RFTN2: variants seen among roughly 807,000 people sequenced by gnomAD.
RFTN2 encodes the protein raftlin-2.
A neutral mutation model predicts 52.7 loss-of-function variants in RFTN2; 34 were observed. The observed-to-expected ratio is 0.64, with a 90% CI of 0.49 to 0.86. RFTN2 has a LOEUF of 0.86. Ranked by LOEUF, RFTN2 falls within the 40% of genes least tolerant of loss-of-function variation. The pLI, the probability that RFTN2 is intolerant of heterozygous loss-of-function variation, is 0.00. For missense variants in RFTN2, 536 were observed against 600.1 expected (o/e 0.89, Z 1.12); for synonymous variants, 203 against 217.7 (o/e 0.93, Z 0.59).
intron 7 of RFTN2, among the ~76,000 whole-genome samples, chr2:197,602,389 A>T (rs78002594): frequency 0.14 from 21,109 of 152,122 alleles, 1,811 homozygotes; most frequent in Middle Eastern, 0.25. Context: ...AATTAAAAAA[A>T]TTTTTTTGTA....
At chr2:197,627,849 G>T in intron 5 of RFTN2, among the ~76,000 whole-genome samples, 1 of 152,056 alleles carries the variant, frequency 6.6e-6, no homozygotes, top group Non-Finnish European at 1.5e-5. Context: ...TGCTGAAGTA[G>T]AAAACTTTTT....
At chr2:197,656,791 T>C (rs1480293212) in intron 1 of RFTN2, among the ~76,000 whole-genome samples, 1 of 152,056 alleles carries the variant, frequency 6.6e-6, no homozygotes, top group African/African-American at 2.4e-5. Context: ...AGATCAAGAG[T>C]CCCTAGATCT....
chr2:197,647,162 A>G (rs2106253192), intron 1 of RFTN2, among the ~76,000 whole-genome samples: 1 of 152,194 alleles, frequency 6.6e-6, no homozygotes, highest in East Asian at 1.9e-4. Flanking sequence ...AGGAGATACA[A>G]TAATTTGAAG....
intron 2 of RFTN2, 29 bp downstream of exon 2, chr2:197,646,454 C>T: frequency 1.3e-6 from 2 of 1,577,254 alleles, no homozygotes; most frequent in Non-Finnish European, 8.6e-7. Context: ...GTCACCCTCA[C>T]CTGCCTCTTT....
intron 7 of RFTN2, among the ~76,000 whole-genome samples, chr2:197,613,126 A>T (rs2088090617): frequency 1.3e-5 from 2 of 152,258 alleles, no homozygotes; most frequent in Admixed American, 1.3e-4. Flanking sequence ...GTATATAGTG[A>T]ACTAGAGTAT....
intron 8 of RFTN2, among the ~76,000 whole-genome samples, chr2:197,595,390 C>G (rs1229930653): frequency 6.6e-6 from 1 of 152,158 alleles, no homozygotes; most frequent in African/African-American, 2.4e-5. Context: ...TCAATGCACA[C>G]AGTCTTTTCA....
At chr2:197,606,612 T>C (rs561019773) in intron 7 of RFTN2, among the ~76,000 whole-genome samples, 35 of 151,516 alleles carry the variant, frequency 2.3e-4, no homozygotes, top group African/African-American at 8.5e-4. Flanking sequence ...GAATCTACAA[T>C]GAACTCAAAC....
rs1410999812 is a variant in RFTN2 at position 197,596,187 on chromosome 2, T to C, written c.1155-118A>G. ...ATAATCTTCTGACCAAAAATAATTA[T>C]AAAATATAAATCTTTTTTTTCTTCC... On this transcript the variant is annotated intron_variant, in intron 7 of 8. Transcript: ENST00000295049. The C allele has an allele frequency of 1.2e-5, 6 of 487,030 alleles. No individual in the cohort carries two copies. In the South Asian group the frequency reaches 2.2e-4, roughly 18 times the overall value. The allele number at this position is 487,030 out of a possible 1,614,324, so 30.2% of individuals were successfully genotyped here.
At chr2:197,624,090 T>A (rs908783116) in intron 5 of RFTN2, among the ~76,000 whole-genome samples, 5 of 152,084 alleles carry the variant, frequency 3.3e-5, no homozygotes, top group Non-Finnish European at 7.4e-5. Flanking sequence ...TGAGCTACAG[T>A]GCCCAGTCTA....
chr2:197,640,408 C>A (rs1012725197), intron 3 of RFTN2, among the ~76,000 whole-genome samples: 2 of 152,268 alleles, frequency 1.3e-5, no homozygotes, highest in Non-Finnish European at 2.9e-5. Context: ...GTAGGACCCT[C>A]CGAGCCAGGT....
chr2:197,612,116 C>A (rs2088070856), intron 7 of RFTN2, among the ~76,000 whole-genome samples: 1 of 152,132 alleles, frequency 6.6e-6, no homozygotes, highest in South Asian at 2.1e-4. Context: ...CTGTAGGTGT[C>A]TATTAGGTTC....
At chr2:197,643,380 A>G (rs2088702072) in intron 3 of RFTN2, among the ~76,000 whole-genome samples, 1 of 152,176 alleles carries the variant, frequency 6.6e-6, no homozygotes, top group African/African-American at 2.4e-5. Flanking sequence ...GGTGTGAGCC[A>G]CCACACCTGG....
At chr2:197,667,449 G>A (rs948695138) in intron 1 of RFTN2, among the ~76,000 whole-genome samples, 1 of 152,046 alleles carries the variant, frequency 6.6e-6, no homozygotes, top group African/African-American at 2.4e-5. Flanking sequence ...ATTTCTTTTT[G>A]TTTGTGATCT....
intron 8 of RFTN2, among the ~76,000 whole-genome samples, chr2:197,580,503 G>A (rs1179217729): frequency 1.3e-5 from 2 of 152,178 alleles, no homozygotes; most frequent in Non-Finnish European, 2.9e-5. Flanking sequence ...CAAGTCACCT[G>A]GCAGCCACTC....
chr2:197,623,389 T>C (rs1366468126), intron 5 of RFTN2, among the ~76,000 whole-genome samples: 1 of 152,228 alleles, frequency 6.6e-6, no homozygotes, highest in Admixed American at 6.5e-5. Flanking sequence ...AGCCTAAAAA[T>C]GGAGACTAAA....
chr2:197,578,522 C>A (rs1043940715), intron 8 of RFTN2, among the ~76,000 whole-genome samples: 1 of 152,104 alleles, frequency 6.6e-6, no homozygotes, highest in Admixed American at 6.5e-5. Flanking sequence ...ATGACATTAC[C>A]TTGTGAAATT....
chr2:197,571,113 T>G lies in RFTN2; in HGVS notation c.*895A>C, dbSNP rs868232173. On this transcript the variant is annotated 3_prime_UTR_variant, in exon 9 of 9. Transcript: ENST00000295049. ...TTTCTACTCCTGCCAGATTGAAAAT[T>G]CTAGGTTTCAACATTCTTCAGGATT... 9 of 152,336 alleles carry G rather than the reference T, an allele frequency of 5.9e-5. No individual in the cohort carries two copies. The highest frequency in any genetic ancestry group is 2.2e-4 in the African/African-American group (9 of 41,452). 9.4% of individuals were successfully genotyped at this position (152,336 alleles called of 1,614,324 possible). A position where few individuals can be genotyped will look rare whatever the true frequency, so the allele number is the denominator to read the frequency against.
chr2:197,577,323 C>A (rs969318260), intron 8 of RFTN2, among the ~76,000 whole-genome samples: 4 of 152,212 alleles, frequency 2.6e-5, no homozygotes, highest in Admixed American at 2.6e-4. Flanking sequence ...TACAGTAGGT[C>A]CTTTCTCAAC....
chr2:197,626,617 CTTTTTTTTTTTT>C lies in RFTN2; in HGVS notation c.928+4382_928+4393del, dbSNP rs71012985. Among the ~76,000 whole-genome samples the C allele has an allele frequency of 6.6e-5, 6 of 90,950 alleles. 2 individuals are homozygous for C. Among genetic ancestry groups the C allele is most frequent in the African/African-American group, 2.3e-4 (5 of 21,978 alleles). 59.7% of individuals were successfully genotyped at this position (90,950 alleles called of 152,430 possible). ...TAAAATAAAAAAAAGGAATAATCTT[CTTTTTTTTTTTT>C]TTTTTTTTTTGAGACGGAGTCTTGC... On this transcript the variant is annotated intron_variant, in intron 5 of 8. Coordinates refer to ENST00000295049, the MANE Select transcript of RFTN2 (RefSeq NM_144629.3).
Sources: gnomAD v4.1 joint callset for allele counts (sites outside exome capture counted in the v4.1 genomes callset) on GRCh38, gnomAD v4.1.1 for gene constraint, MANE v1.5 for transcripts, NCBI Gene and HGNC (gene_info 2026-07-23, HGNC 2026-07-21) for gene names.